Variants in ABCC1 observed in about 807,000 individuals in gnomAD.
ABCC1 encodes the protein multidrug resistance-associated protein 1.
In ABCC1, 83 loss-of-function variants were observed where a neutral mutation model predicts 172.9. The observed-to-expected ratio is 0.48, with a 90% confidence interval of 0.40 to 0.58. ABCC1 has a LOEUF of 0.58. Among genes scored for constraint, ABCC1 ranks in the 20% least tolerant of loss-of-function variants. The pLI, the probability that ABCC1 is intolerant of heterozygous loss-of-function variation, is 0.00. For synonymous variants in ABCC1, 937 were observed against 825.2 expected (o/e 1.14, Z -2.32); for missense variants, 1,817 against 2,002.7 (o/e 0.91, Z 1.77).
At chr16:16,038,111 T>C (rs1408917033) in intron 7 of ABCC1, among the ~76,000 whole-genome samples, 6 of 151,920 alleles carry the variant, frequency 3.9e-5, no homozygotes, top group African/African-American at 1.5e-4. Context: ...AGGTAGATGA[T>C]AGACGGATAG....
Position 16,131,814 on chromosome 16 carries a change from C to G in ABCC1, c.3845C>G (p.Ala1282Gly), listed in dbSNP as rs762327391. ...GCGCCCTGGCAAATCCAGGAGACAG[C>G]TCCGCCCAGCAGCTGGCCCCAGGTG... ...KEAPWQIQET[A>G]PPSSWPQVGR... The change falls in exon 27 of 31, where the codon GCT becomes GGT. Residue 1282 changes from alanine to glycine, a missense_variant. By Grantham distance (60) the Ala-to-Gly change is moderately conservative. Transcript: ENST00000399410. 1.9e-6 allele frequency: 3 copies of G among 1,613,940 alleles called. No homozygotes were observed. The highest frequency in any genetic ancestry group is 1.3e-5 in the African/African-American group (1 of 74,944).
chr16:16,106,003 A>G (rs1039925683), intron 20 of ABCC1, among the ~76,000 whole-genome samples: 1 of 151,274 alleles, frequency 6.6e-6, no homozygotes, highest in Non-Finnish European at 1.5e-5. Context: ...CAACCTCCCA[A>G]GTAGTTGGGA....
chr16:16,009,855 T>C lies in ABCC1; in HGVS notation c.305T>C (p.Leu102Pro). Residue 102 changes from leucine to proline, a missense_variant, in exon 3 of 31, where the codon CTG (leucine) becomes CCG (proline). Physicochemically the swap from Leu to Pro is moderately conservative, Grantham distance 98. This residue lies in a region of ABCC1 where 398 missense variants were observed against 384.2 expected (regional missense o/e 1.04). Coordinates refer to ENST00000399410, the MANE Select transcript of ABCC1 (RefSeq NM_004996.4). ...SFWERSRGIF[L>P]APVFLVSPTL... Reference sequence around the variant, plus strand: ...TGGGAAAGAAGTCGGGGCATATTCCTGGCCCCAGTGTTTCTGGTCAGCCCA... The same window carrying C: ...TGGGAAAGAAGTCGGGGCATATTCCCGGCCCCAGTGTTTCTGGTCAGCCCA... 6.2e-7 allele frequency: 1 copy of C among 1,611,700 alleles called. No homozygotes were observed. Among genetic ancestry groups the C allele is most frequent in the Non-Finnish European group, 8.5e-7 (1 of 1,179,126 alleles).
At chr16:16,121,078 T>G (rs2045132339) in intron 23 of ABCC1, among the ~76,000 whole-genome samples, 1 of 152,216 alleles carries the variant, frequency 6.6e-6, no homozygotes. Context: ...AGTGACATCA[T>G]GCATATCTAT....
chr16:15,983,871 A>G (rs1303422140), intron 1 of ABCC1, among the ~76,000 whole-genome samples: 1 of 151,866 alleles, frequency 6.6e-6, no homozygotes, highest in Non-Finnish European at 1.5e-5. Context: ...TGATATTTTA[A>G]AGACTAAATT....
At chr16:16,049,191 A>G (rs1228441995) in intron 10 of ABCC1, among the ~76,000 whole-genome samples, 1 of 152,138 alleles carries the variant, frequency 6.6e-6, no homozygotes, top group Non-Finnish European at 1.5e-5. Flanking sequence ...CTTTGGGCTG[A>G]TAACATCCTG....
intron 3 of ABCC1, among the ~76,000 whole-genome samples, chr16:16,010,267 C>T (rs1333129969): frequency 1.3e-5 from 2 of 151,896 alleles, no homozygotes; most frequent in Non-Finnish European, 2.9e-5. Context: ...GTTGTCTAGG[C>T]TGGTCTTAGA....
At chr16:15,956,291 G>T (rs1243018585) in intron 1 of ABCC1, among the ~76,000 whole-genome samples, 1 of 151,916 alleles carries the variant, frequency 6.6e-6, no homozygotes, top group Non-Finnish European at 1.5e-5. Context: ...CTTGAACCTG[G>T]TAGGCGGACA....
At chr16:16,089,569 G>A (rs1363782720) in intron 18 of ABCC1, among the ~76,000 whole-genome samples, 1 of 150,656 alleles carries the variant, frequency 6.6e-6, no homozygotes, top group Non-Finnish European at 1.5e-5. Flanking sequence ...AAAAAAAGAA[G>A]AAAAAAATTA....
At chr16:16,061,794 G>C (rs1173068892) in intron 12 of ABCC1, among the ~76,000 whole-genome samples, 4 of 106,018 alleles carry the variant, frequency 3.8e-5, no homozygotes, top group Non-Finnish European at 7.1e-5. Flanking sequence ...TTTTTTTTGA[G>C]ATGGGGTCTC....
At chr16:16,057,407 T>A (rs1389063107) in intron 12 of ABCC1, among the ~76,000 whole-genome samples, 2 of 151,766 alleles carry the variant, frequency 1.3e-5, no homozygotes, top group Non-Finnish European at 2.9e-5. Context: ...GTACTTATTT[T>A]ATTGTCTGCT....
rs2151882164 is a variant in ABCC1, at chr16:16,045,915, G to A, written c.1120G>A (p.Ala374Thr). The A allele has an allele frequency of 6.2e-6, 10 of 1,614,182 alleles. 1 individual carries two copies. In the South Asian group the frequency reaches 9.9e-5, roughly 16 times the overall value. The change falls in exon 9 of 31, where the codon GCC becomes ACC. Residue 374 changes from alanine (A) to threonine (T), a missense_variant. Physicochemically the swap from Ala to Thr is moderately conservative, Grantham distance 58. This residue lies in a region of ABCC1 where 1,412 missense variants were observed against 1,600.3 expected (regional missense o/e 0.88). Coordinates refer to ENST00000399410, the MANE Select transcript of ABCC1 (RefSeq NM_004996.4). The stretch of plus-strand genomic sequence containing the variant: ...CTACACCGTGCTGCTGTTTGTCACT[G>A]CCTGCCTGCAGACCCTCGTGCTGCA... ...YFYTVLLFVT[A>T]CLQTLVLHQY... is the part of the protein sequence containing the mutation.
intron 25 of ABCC1, 97 bp from the exon 26 acceptor site, chr16:16,125,713 A>G: frequency 1.2e-6 from 1 of 801,240 alleles, no homozygotes; most frequent in South Asian, 1.9e-5. Context: ...CTTGTTGAAA[A>G]TAATTTGTTT....
chr16:15,955,566 A>T (rs115008939), intron 1 of ABCC1, among the ~76,000 whole-genome samples: 3,880 of 150,746 alleles, frequency 0.026, 172 homozygotes, highest in African/African-American at 0.089. Context: ...TTTCTGTCTC[A>T]CTCTCCTCCA....
chr16:15,988,870 C>T lies in ABCC1; in HGVS notation c.49-18946C>T, dbSNP rs376454196. Among the ~76,000 whole-genome samples, 8 of 151,860 alleles carry T rather than the reference C, an allele frequency of 5.3e-5. No individual in the cohort carries two copies. The East Asian group carries it at 1.2e-3, about 22-fold the overall frequency. ...TCATTTGAGCCCCAGGAGTTTGAGGCCAGACAGGGCAACATAGCAAGGCCC... is the reference window on the plus strand; with the variant it reads ...TCATTTGAGCCCCAGGAGTTTGAGGTCAGACAGGGCAACATAGCAAGGCCC... On this transcript the variant is annotated intron_variant, in intron 1 of 30. Transcript: ENST00000399410.
chr16:16,139,341 G>T (rs548981678), intron 30 of ABCC1, among the ~76,000 whole-genome samples: 7 of 152,102 alleles, frequency 4.6e-5, no homozygotes, highest in Admixed American at 4.6e-4. Flanking sequence ...GCCAGGTGCG[G>T]TGGCTCACGG....
At chr16:16,076,530 T>C in intron 15 of ABCC1, 129 bp downstream of exon 15, 1 of 883,292 alleles carries the variant, frequency 1.1e-6, no homozygotes, top group South Asian at 1.9e-5. Flanking sequence ...TTCTAAGACT[T>C]AGCTTACCCA....
intron 1 of ABCC1, among the ~76,000 whole-genome samples, chr16:15,986,058 C>G (rs2046736414): frequency 6.6e-6 from 1 of 151,930 alleles, no homozygotes; most frequent in African/African-American, 2.4e-5. Flanking sequence ...CCTCAGCTTC[C>G]TGAGTAGCTG....
At chr16:15,984,319 A>C (rs2046695851) in intron 1 of ABCC1, among the ~76,000 whole-genome samples, 1 of 152,262 alleles carries the variant, frequency 6.6e-6, no homozygotes, top group Non-Finnish European at 1.5e-5. Flanking sequence ...TGTGTAAAAA[A>C]GCAGACAAGT....
Sources: gnomAD v4.1 joint callset for allele counts (sites outside exome capture counted in the v4.1 genomes callset) on GRCh38, gnomAD v4.1.1 for gene constraint, gnomAD v4.1.1 regional missense constraint, MANE v1.5 for transcripts, NCBI Gene and HGNC (gene_info 2026-07-23, HGNC 2026-07-21) for gene names.